The following THRAP3 variants were observed in gnomAD, a reference collection of about 807,000 sequenced individuals.
THRAP3 encodes thyroid hormone receptor-associated protein 3.
A neutral mutation model predicts 101.0 loss-of-function variants in THRAP3; 16 were observed. That is an observed-to-expected ratio of 0.16 (90% CI 0.11 to 0.24). The LOEUF (loss-of-function observed/expected upper bound fraction) is 0.24, where lower values mean the gene tolerates loss of function less well. THRAP3 is among the 10% of genes least tolerant of loss of function. The pLI is 1.00. For missense variants in THRAP3, 989 were observed against 1,202.7 expected (o/e 0.82, Z 2.63); for synonymous variants, 407 against 422.6 (o/e 0.96, Z 0.45).
chr1:36,225,753 A>G (rs954014065), intron 1 of THRAP3, among the ~76,000 whole-genome samples: 23 of 152,236 alleles, frequency 1.5e-4, no homozygotes, highest in African/African-American at 5.5e-4. Flanking sequence ...GGCTCCTGCC[A>G]TGAACAACTT....
intron 11 of THRAP3, 137 bp downstream of exon 11, chr1:36,301,833 G>C: frequency 9.2e-7 from 1 of 1,085,458 alleles, no homozygotes; most frequent in Non-Finnish European, 1.3e-6. Flanking sequence ...ATGTGTACTT[G>C]CATAGTGCTA....
intron 11 of THRAP3, among the ~76,000 whole-genome samples, chr1:36,302,670 C>G (rs1328740786): frequency 1.3e-5 from 2 of 152,112 alleles, no homozygotes; most frequent in Admixed American, 1.3e-4. Flanking sequence ...CAGCCTAAGA[C>G]CCTAGCTTTT....
chr1:36,254,712 C>T (rs1282235545), intron 1 of THRAP3, among the ~76,000 whole-genome samples: 1 of 152,050 alleles, frequency 6.6e-6, no homozygotes, highest in Non-Finnish European at 1.5e-5. Flanking sequence ...TTTCCCCAGC[C>T]CAGCAGCTAA....
At chr1:36,210,264 G>A in the THRAP3 span, among the ~76,000 whole-genome samples, 1 of 151,300 alleles carries the variant, frequency 6.6e-6, no homozygotes, top group South Asian at 2.1e-4. Flanking sequence ...TGCTCGGGAG[G>A]CTGAGGCAGG....
rs915880149 is a variant in THRAP3 at position 36,287,990 on chromosome 1, T to TC, written c.1040+725dup. 1.6e-5 allele frequency: 15 copies of TC among 957,244 alleles called. No homozygotes were observed. The African/African-American group carries it at 2.1e-4, about 14-fold the overall frequency. The allele number at this position is 957,244 out of a possible 1,614,324, so 59.3% of individuals were successfully genotyped here. A position where few individuals can be genotyped will look rare whatever the true frequency, so the allele number is the denominator to read the frequency against. On this transcript the variant is annotated intron_variant, in intron 4 of 11. Coordinates refer to ENST00000354618, the MANE Select transcript of THRAP3 (RefSeq NM_005119.4). ...AAGAGGGACTAACCCAGCAAGTGGC[T>TC]CCCCCTTTTTTTTTCTTTTATCGTA...
At chr1:36,271,934 T>TG (rs1645597880) in intron 2 of THRAP3, among the ~76,000 whole-genome samples, 1 of 152,142 alleles carries the variant, frequency 6.6e-6, no homozygotes, top group Non-Finnish European at 1.5e-5. Flanking sequence ...TTTCCCATGT[T>TG]GGCCAGGCTG....
chr1:36,242,947 A>G (rs1221655283), intron 1 of THRAP3, among the ~76,000 whole-genome samples: 1 of 151,768 alleles, frequency 6.6e-6, no homozygotes, highest in Non-Finnish European at 1.5e-5. Flanking sequence ...ATTTTGAGAT[A>G]GACTGGGCAT....
Position 36,289,320 on chromosome 1 carries a change from A to C in THRAP3, c.1301A>C (p.Asp434Ala). ...CACAAGGAGGAGATGGATGATCAAG[A>C]TAAGGACAAAGCTAAGGGAAGAAAG... is the stretch of plus-strand genomic sequence containing the variant. ...DFHKEEMDDQ[D>A]KDKAKGRKES... The change falls in exon 5 of 12, where the codon GAT becomes GCT. Residue 434 changes from aspartate to alanine, a missense_variant. Physicochemically the swap from Asp to Ala is moderately radical, Grantham distance 126. Transcript: ENST00000354618. 1 of 1,614,208 alleles carries C rather than the reference A, an allele frequency of 6.2e-7. No individual in the cohort carries two copies. Among genetic ancestry groups the C allele is most frequent in the Non-Finnish European group, 8.5e-7 (1 of 1,180,054 alleles).
At position 36,279,021 on chromosome 1, in the gene THRAP3, C is replaced by T. The variant is rs545039203; in HGVS notation, c.-31-3512C>T. Among the ~76,000 whole-genome samples, 7 of 152,088 alleles carry T rather than the reference C, an allele frequency of 4.6e-5. No individual in the cohort carries two copies. The East Asian group carries it at 5.8e-4, about 13-fold the overall frequency. ...AAGAGGAGGCTCCGGGAATGGGAGT[C>T]GGGGGGCGTCACAGTATTGCAGCTC... On this transcript the variant is annotated intron_variant, in intron 2 of 11. Transcript: ENST00000354618.
At chr1:36,235,399 A>G (rs1265742400) in intron 1 of THRAP3, among the ~76,000 whole-genome samples, 1 of 152,188 alleles carries the variant, frequency 6.6e-6, no homozygotes, top group African/African-American at 2.4e-5. Context: ...ACCCCACAGC[A>G]GTTGGAAAGA....
chr1:36,241,777 C>T (rs1400129376), intron 1 of THRAP3: 2 of 152,000 alleles, frequency 1.3e-5, no homozygotes, highest in African/African-American at 4.8e-5. Context: ...TGGAGTTTCA[C>T]CACATTAGTC....
rs758620237 is a variant in THRAP3, at chr1:36,301,606, TAAC to T, written c.2564_2566del (p.Asn855del). The T allele has an allele frequency of 9.3e-6, 15 of 1,613,916 alleles. No homozygotes were observed. The highest frequency in any genetic ancestry group is 7.7e-5 in the South Asian group (7 of 91,082). ...GCAGAGGCAACTACTCTGGGAACAA[TAAC>T]AACAACAGCAACAACGATTTTCAAA... On this transcript the variant is annotated inframe_deletion, in exon 11 of 12. Transcript: ENST00000354618.
chr1:36,279,290 A>C (rs1354974022), intron 2 of THRAP3, among the ~76,000 whole-genome samples: 1 of 152,160 alleles, frequency 6.6e-6, no homozygotes, highest in Non-Finnish European at 1.5e-5. Flanking sequence ...TTTCTGACCC[A>C]AGTTAAAATA....
At chr1:36,280,670 C>T (rs1307699659) in intron 2 of THRAP3, among the ~76,000 whole-genome samples, 1 of 152,184 alleles carries the variant, frequency 6.6e-6, no homozygotes, top group Non-Finnish European at 1.5e-5. Context: ...TATTAATTAG[C>T]TTTGTGATCT....
chr1:36,214,950 G>C, the THRAP3 span, among the ~76,000 whole-genome samples: 1 of 150,660 alleles, frequency 6.6e-6, no homozygotes, highest in East Asian at 2.0e-4. Context: ...GCCTGGGCGC[G>C]GTGGCTCACG....
At chr1:36,301,456 A>C (rs1391634569) in intron 10 of THRAP3, 97 bp from the exon 11 acceptor site, 5 of 1,460,206 alleles carry the variant, frequency 3.4e-6, no homozygotes, top group Non-Finnish European at 4.6e-6. Flanking sequence ...ACAGCTGTCT[A>C]TTCCACACCA....
intron 1 of THRAP3, among the ~76,000 whole-genome samples, chr1:36,227,806 C>T (rs1644978927): frequency 6.6e-6 from 1 of 152,152 alleles, no homozygotes; most frequent in Non-Finnish European, 1.5e-5. Context: ...ATGATCATGA[C>T]ACTGCATGCC....
chr1:36,265,020 A>G (rs1645495820), intron 2 of THRAP3, among the ~76,000 whole-genome samples: 2 of 152,062 alleles, frequency 1.3e-5, no homozygotes, highest in Non-Finnish European at 2.9e-5. Flanking sequence ...TCCCCTTTTT[A>G]TAAGCATCGT....
At chr1:36,285,473 C>T (rs1273134513) in intron 3 of THRAP3, among the ~76,000 whole-genome samples, 2 of 152,152 alleles carry the variant, frequency 1.3e-5, no homozygotes, top group Non-Finnish European at 2.9e-5. Context: ...AGTTAGGTTA[C>T]TATCAAGTCT....
Sources: gnomAD v4.1 joint callset for allele counts (sites outside exome capture counted in the v4.1 genomes callset) on GRCh38, gnomAD v4.1.1 for gene constraint, MANE v1.5 for transcripts, NCBI Gene and HGNC (gene_info 2026-07-23, HGNC 2026-07-21) for gene names.